FABP7: variants seen among roughly 807,000 people sequenced by gnomAD.
FABP7 encodes the protein fatty acid binding protein 7.
Under a neutral mutation model 14.2 loss-of-function variants are expected in FABP7, and 13 were observed. That is an observed-to-expected ratio of 0.91 (90% CI 0.59 to 1.45). The LOEUF is 1.45. Among genes scored for constraint, FABP7 ranks in the 40% most tolerant of loss-of-function variants. FABP7 has a pLI of 0.00. For missense variants in FABP7, 149 were observed against 157.6 expected, an observed-to-expected ratio of 0.95 and a Z score of 0.29; for synonymous variants, 49 against 51.4, an observed-to-expected ratio of 0.95 and a Z score of 0.20.
chr6:122,776,771 T>G (rs1780682718), upstream of FABP7, among the ~76,000 whole-genome samples: 1 of 152,216 alleles, frequency 6.6e-6, no homozygotes. Context: ...CCAAATATCG[T>G]ATGTACCTGA....
intron 3 of FABP7, chr6:122,782,571 C>T: frequency 4.1e-6 from 4 of 985,380 alleles, no homozygotes; most frequent in Non-Finnish European, 4.8e-6. Context: ...CCAAGCCTTC[C>T]TCAGACACTT....
chr6:122,761,269 T>C, the FABP7 span, among the ~76,000 whole-genome samples: 1 of 152,062 alleles, frequency 6.6e-6, no homozygotes, highest in Non-Finnish European at 1.5e-5. Flanking sequence ...AATTTGAAAA[T>C]GAGCCAAATA....
the FABP7 span, among the ~76,000 whole-genome samples, chr6:122,749,268 G>A: frequency 6.6e-6 from 1 of 151,948 alleles, no homozygotes; most frequent in Admixed American, 6.6e-5. Flanking sequence ...CCTTAAACCT[G>A]GTGGAATGCA....
chr6:122,768,469 GA>G, the FABP7 span, among the ~76,000 whole-genome samples: 1 of 152,068 alleles, frequency 6.6e-6, no homozygotes, highest in Non-Finnish European at 1.5e-5. Flanking sequence ...AAAATATGTA[GA>G]TGCACTGAAC....
At chr6:122,771,353 ATCT>A in the FABP7 span, among the ~76,000 whole-genome samples, 2 of 152,170 alleles carry the variant, frequency 1.3e-5, no homozygotes, top group Non-Finnish European at 2.9e-5. Context: ...GGTTTCTGTA[ATCT>A]TCAACTGATC....
At chr6:122,756,294 T>C in the FABP7 span, among the ~76,000 whole-genome samples, 3 of 152,220 alleles carry the variant, frequency 2.0e-5, no homozygotes, top group African/African-American at 7.2e-5. Context: ...CTTTCTATAA[T>C]TTTTATAATT....
intron 1 of FABP7, 76 bp downstream of exon 1, chr6:122,779,943 T>A: frequency 2.8e-6 from 4 of 1,404,014 alleles, no homozygotes; most frequent in Non-Finnish European, 4.0e-6. Flanking sequence ...TTTTCACTCA[T>A]CAGGTCAGCA....
the FABP7 span, among the ~76,000 whole-genome samples, chr6:122,761,387 T>C: frequency 6.6e-6 from 1 of 152,192 alleles, no homozygotes; most frequent in African/African-American, 2.4e-5. Context: ...CTAAAGAAGT[T>C]AGGTTATCTA....
At chr6:122,776,517 G>GTGTA (rs1164394484), upstream of FABP7, among the ~76,000 whole-genome samples, 2 of 152,162 alleles carry the variant, frequency 1.3e-5, no homozygotes, top group African/African-American at 2.4e-5. Flanking sequence ...AGGCTGGGAA[G>GTGTA]TGTAGTCAGG....
At chr6:122,753,938 C>T in the FABP7 span, among the ~76,000 whole-genome samples, 2 of 152,078 alleles carry the variant, frequency 1.3e-5, no homozygotes, top group African/African-American at 4.8e-5. Flanking sequence ...ACCAGACGGG[C>T]ACTCAGGATA....
At chr6:122,783,630 T>C in intron 3 of FABP7, 87 bp from the exon 4 acceptor site, 1 of 1,497,350 alleles carries the variant, frequency 6.7e-7, no homozygotes, top group Non-Finnish European at 8.8e-7. Context: ...TTTTGCATAA[T>C]ACTTAGATCA....
the FABP7 span, among the ~76,000 whole-genome samples, chr6:122,770,201 G>T: frequency 6.6e-6 from 1 of 152,164 alleles, no homozygotes; most frequent in Admixed American, 6.6e-5. Flanking sequence ...ATGTCCTCAG[G>T]CATGTTCCCA....
chr6:122,783,545 A>G (rs1780846535), intron 3 of FABP7, 172 bp from the exon 4 acceptor site: 1 of 985,106 alleles, frequency 1.0e-6, no homozygotes. Context: ...AGAGACATAA[A>G]CTGTATATCA....
the FABP7 span, among the ~76,000 whole-genome samples, chr6:122,758,315 C>T: frequency 6.6e-6 from 1 of 152,046 alleles, no homozygotes; most frequent in Non-Finnish European, 1.5e-5. Context: ...GCCATGTCGG[C>T]CAGGCTGCTC....
At chr6:122,758,105 CTTTTTTTT>C in the FABP7 span, among the ~76,000 whole-genome samples, 56 of 118,382 alleles carry the variant, frequency 4.7e-4, no homozygotes, top group African/African-American at 1.7e-3. Flanking sequence ...TATTATCTAG[CTTTTTTTT>C]TTTTTTTTTT....
At chr6:122,772,853 C>T in the FABP7 span, among the ~76,000 whole-genome samples, 6 of 152,182 alleles carry the variant, frequency 3.9e-5, no homozygotes, top group African/African-American at 1.2e-4. Context: ...TTAGCCCTTG[C>T]TTGAAGATTG....
chr6:122,756,099 G>C, the FABP7 span, among the ~76,000 whole-genome samples: 3 of 152,232 alleles, frequency 2.0e-5, no homozygotes, highest in East Asian at 3.9e-4. Context: ...TCTCCCCAAC[G>C]GGAGAGAGCA....
the FABP7 span, among the ~76,000 whole-genome samples, chr6:122,774,375 A>C: frequency 3.1e-4 from 24 of 77,086 alleles, 1 homozygote; most frequent in African/African-American, 5.7e-4. Flanking sequence ...AAAAAAAAAA[A>C]AAAAAAAAAA....
chr6:122,774,232 C>T, the FABP7 span, among the ~76,000 whole-genome samples: 1 of 151,740 alleles, frequency 6.6e-6, no homozygotes, highest in African/African-American at 2.4e-5. Flanking sequence ...CGTGGTGGTG[C>T]ATGCCTGTAA....
Sources: gnomAD v4.1 joint callset for allele counts (sites outside exome capture counted in the v4.1 genomes callset) on GRCh38, gnomAD v4.1.1 for gene constraint, MANE v1.5 for transcripts, NCBI Gene and HGNC (gene_info 2026-07-23, HGNC 2026-07-21) for gene names.